CTIF: variants seen among roughly 807,000 people sequenced by gnomAD.
CTIF encodes cap binding complex dependent translation initiation factor.
In CTIF, 21 loss-of-function variants were observed where a neutral mutation model predicts 66.0. That is an observed-to-expected ratio of 0.32 (90% CI 0.23 to 0.46). The LOEUF (loss-of-function observed/expected upper bound fraction) is 0.46. Among genes scored for constraint, CTIF ranks in the 20% least tolerant of loss-of-function variants. The probability of loss-of-function intolerance (pLI) is 1.00; values close to 1 mark genes in which losing one functional copy is unlikely to be tolerated. For synonymous variants in CTIF, 345 were observed against 326.4 expected (o/e 1.06, Z -0.62); for missense variants, 739 against 812.7 (o/e 0.91, Z 1.10).
chr18:48,769,787 T>C (rs1909928370), intron 9 of CTIF, among the ~76,000 whole-genome samples: 1 of 152,258 alleles, frequency 6.6e-6, no homozygotes, highest in Non-Finnish European at 1.5e-5. Context: ...TTTTCTCCAA[T>C]CTTTATTTCT....
intron 1 of CTIF, among the ~76,000 whole-genome samples, chr18:48,553,686 C>T (rs1166635144): frequency 1.3e-5 from 2 of 149,598 alleles, no homozygotes; most frequent in African/African-American, 2.5e-5. Context: ...AGACAAGTCT[C>T]GCTCTGCCGC....
At chr18:48,570,723 C>T (rs570701419) in intron 1 of CTIF, among the ~76,000 whole-genome samples, 7 of 152,078 alleles carry the variant, frequency 4.6e-5, no homozygotes, top group East Asian at 1.9e-4. Context: ...TTAAGGCAGA[C>T]GGAACTTTAT....
At chr18:48,845,725 C>T (rs62103335) in intron 10 of CTIF, among the ~76,000 whole-genome samples, 46,537 of 151,988 alleles carry the variant, frequency 0.31, 7,405 homozygotes, top group African/African-American at 0.39. Context: ...ATTTCTAACA[C>T]TGAACTCATT....
chr18:48,745,409 A>G (rs2092587947), intron 7 of CTIF, among the ~76,000 whole-genome samples: 1 of 152,256 alleles, frequency 6.6e-6, no homozygotes, highest in Admixed American at 6.5e-5. Flanking sequence ...CTTTGTAATT[A>G]AGAAATATCT....
At chr18:48,714,297 G>C (rs16949857) in intron 7 of CTIF, among the ~76,000 whole-genome samples, 2 of 152,142 alleles carry the variant, frequency 1.3e-5, no homozygotes, top group Non-Finnish European at 2.9e-5. Context: ...TCCTGGGCAC[G>C]CATGGTGGCA....
At chr18:48,709,809 T>C (rs752438774) in intron 6 of CTIF, among the ~76,000 whole-genome samples, 3 of 152,250 alleles carry the variant, frequency 2.0e-5, no homozygotes, top group Non-Finnish European at 4.4e-5. Flanking sequence ...AAGCACATCC[T>C]AAGGCCCCAG....
intron 8 of CTIF, among the ~76,000 whole-genome samples, chr18:48,759,363 C>A (rs1286036229): frequency 1.3e-5 from 2 of 152,110 alleles, no homozygotes; most frequent in Non-Finnish European, 2.9e-5. Flanking sequence ...TGCCGACTCT[C>A]CTCAAGCTCT....
chr18:48,737,792 T>G (rs2092517220), intron 7 of CTIF, among the ~76,000 whole-genome samples: 1 of 152,364 alleles, frequency 6.6e-6, no homozygotes, highest in East Asian at 1.9e-4. Flanking sequence ...TAGCACTAGA[T>G]ATCTCTGAAC....
chr18:48,672,455 T>C (rs970036561), intron 6 of CTIF, among the ~76,000 whole-genome samples: 2 of 152,134 alleles, frequency 1.3e-5, no homozygotes, highest in Non-Finnish European at 2.9e-5. Context: ...AAAAACATCC[T>C]CCTACTTCCA....
At chr18:48,674,174 C>T (rs2091587141) in intron 6 of CTIF, among the ~76,000 whole-genome samples, 1 of 152,248 alleles carries the variant, frequency 6.6e-6, no homozygotes, top group South Asian at 2.1e-4. Context: ...ACATAAGATA[C>T]AGTTCCCCAC....
intron 3 of CTIF, among the ~76,000 whole-genome samples, chr18:48,648,985 A>G (rs1165237708): frequency 1.3e-5 from 2 of 152,192 alleles, no homozygotes; most frequent in East Asian, 1.9e-4. Flanking sequence ...TCATGGACCC[A>G]TTCCAAGATG....
chr18:48,822,571 T>C (rs943534576), intron 10 of CTIF, among the ~76,000 whole-genome samples: 6 of 146,192 alleles, frequency 4.1e-5, no homozygotes, highest in Non-Finnish European at 6.0e-5. Flanking sequence ...CTGATGGACA[T>C]TTGGGTTGTT....
chr18:48,779,036 G>A (rs747214900), intron 9 of CTIF, among the ~76,000 whole-genome samples: 3 of 152,152 alleles, frequency 2.0e-5, no homozygotes, highest in Admixed American at 6.5e-5. Flanking sequence ...TTTCCCTCTC[G>A]GGGCCCCAGT....
intron 7 of CTIF, among the ~76,000 whole-genome samples, chr18:48,741,150 T>C (rs1190510988): frequency 1.3e-5 from 2 of 152,160 alleles, no homozygotes; most frequent in African/African-American, 2.4e-5. Context: ...TTGTTATTAT[T>C]GTTAGAGAAG....
chr18:48,844,012 A>G (rs2069011203), intron 10 of CTIF, among the ~76,000 whole-genome samples: 1 of 152,264 alleles, frequency 6.6e-6, no homozygotes, highest in Non-Finnish European at 1.5e-5. Flanking sequence ...CACAGAGCAC[A>G]TAGAACAACC....
At chr18:48,570,052 G>C (rs2089376360) in intron 1 of CTIF, among the ~76,000 whole-genome samples, 1 of 152,174 alleles carries the variant, frequency 6.6e-6, no homozygotes, top group Non-Finnish European at 1.5e-5. Context: ...TCCCTCACCA[G>C]AGCTGCAAAC....
intron 6 of CTIF, among the ~76,000 whole-genome samples, chr18:48,675,154 A>G (rs1568125147): frequency 6.6e-6 from 1 of 151,364 alleles, no homozygotes; most frequent in East Asian, 2.0e-4. Context: ...GCCATAGGGC[A>G]GGCAGACACT....
At chr18:48,743,298 G>A (rs573391207) in intron 7 of CTIF, among the ~76,000 whole-genome samples, 5 of 152,280 alleles carry the variant, frequency 3.3e-5, no homozygotes, top group Non-Finnish European at 5.9e-5. Flanking sequence ...CACTCACGTC[G>A]TGCAATTTGG....
intron 6 of CTIF, among the ~76,000 whole-genome samples, chr18:48,706,756 C>A (rs1453323134): frequency 6.6e-6 from 1 of 152,208 alleles, no homozygotes; most frequent in East Asian, 1.9e-4. Context: ...TCTGCAAGCA[C>A]TGACCTCAGG....
Sources: allele counts gnomAD v4.1 joint callset (sites outside exome capture counted in the v4.1 genomes callset), GRCh38; gene constraint gnomAD v4.1.1; transcripts MANE v1.5; gene names NCBI Gene and HGNC (gene_info 2026-07-23, HGNC 2026-07-21).